Variants in CLMP observed in about 807,000 individuals in gnomAD.
CLMP encodes CXADR-like membrane protein.
Under a neutral mutation model 45.2 loss-of-function variants are expected in CLMP, and 27 were observed. That is an observed-to-expected ratio of 0.60 (90% CI 0.44 to 0.82). The LOEUF (loss-of-function observed/expected upper bound fraction) is 0.82, where lower values mean the gene tolerates loss of function less well. Ranked by LOEUF, CLMP falls within the 40% of genes least tolerant of loss-of-function variation. CLMP has a pLI of 0.00. For missense variants in CLMP, 403 were observed against 448.4 expected, an observed-to-expected ratio of 0.90 and a Z score of 0.91; for synonymous variants, 167 against 171.4, an observed-to-expected ratio of 0.97 and a Z score of 0.20.
intron 1 of CLMP, among the ~76,000 whole-genome samples, chr11:123,134,182 C>A (rs924552724): frequency 6.6e-6 from 1 of 151,484 alleles, no homozygotes; most frequent in African/African-American, 2.4e-5. Flanking sequence ...ATCACTGGAA[C>A]CTGGGAGGGG....
chr11:123,088,489 T>C (rs1277375066), intron 2 of CLMP, among the ~76,000 whole-genome samples: 2 of 152,176 alleles, frequency 1.3e-5, no homozygotes, highest in East Asian at 3.9e-4. Flanking sequence ...GTTTGTACTT[T>C]CTAGGAGAAT....
intron 1 of CLMP, among the ~76,000 whole-genome samples, chr11:123,148,223 C>G (rs1004542003): frequency 2.6e-5 from 4 of 152,182 alleles, no homozygotes; most frequent in Admixed American, 6.6e-5. Flanking sequence ...GGCCGCAGGG[C>G]TTTTAAGTGG....
intron 1 of CLMP, among the ~76,000 whole-genome samples, chr11:123,106,668 T>C (rs1373715199): frequency 6.6e-6 from 1 of 152,062 alleles, no homozygotes; most frequent in Non-Finnish European, 1.5e-5. Flanking sequence ...TGCATGAAAG[T>C]GTCTAGCACT....
intron 1 of CLMP, among the ~76,000 whole-genome samples, chr11:123,149,651 A>G (rs1861284597): frequency 6.6e-6 from 1 of 152,140 alleles, no homozygotes; most frequent in Admixed American, 6.6e-5. Context: ...CTGCCACCAT[A>G]GGGATGGAGT....
intron 1 of CLMP, among the ~76,000 whole-genome samples, chr11:123,137,135 T>TTTTTC (rs1565393730): frequency 7.2e-6 from 1 of 138,786 alleles, no homozygotes; most frequent in African/African-American, 2.8e-5. Context: ...ACCTTTCTCT[T>TTTTTC]TTTTTCTTTT....
chr11:123,073,666 A>G lies in CLMP; in HGVS notation c.930T>C (p.Ser310=). 6.2e-7 allele frequency: 1 copy of G among 1,614,226 alleles called. No individual in the cohort carries two copies. Among genetic ancestry groups the G allele is most frequent in the Non-Finnish European group, 8.5e-7 (1 of 1,180,050 alleles). The change falls in exon 7 of 7, where the codon AGT becomes AGC. Residue 310 remains serine (S), a synonymous_variant. Transcript: ENST00000448775. ...ACAGTGTCCGCTGGCTGCGTGAGGC[A>G]CTATTTGCTGTGGAGCGAGTGGAGG... ...GSSSTRSTAN[S]ASRSQRTLST...
intron 5 of CLMP, among the ~76,000 whole-genome samples, chr11:123,077,503 G>C (rs193089620): frequency 1.1e-3 from 160 of 152,096 alleles, no homozygotes; most frequent in African/African-American, 3.8e-3. Flanking sequence ...GGCTAATTTT[G>C]TATTTTTAGT....
At chr11:123,170,442 CT>C (rs11463797) in intron 1 of CLMP, among the ~76,000 whole-genome samples, 138 of 140,630 alleles carry the variant, frequency 9.8e-4, no homozygotes, top group African/African-American at 1.1e-3. Flanking sequence ...ATGAAACCTG[CT>C]TTTTTTTTTT....
At chr11:123,116,848 G>C (rs1860727361) in intron 1 of CLMP, among the ~76,000 whole-genome samples, 1 of 152,072 alleles carries the variant, frequency 6.6e-6, no homozygotes, top group African/African-American at 2.4e-5. Flanking sequence ...TTATTATGCA[G>C]AATAAGTGAG....
intron 1 of CLMP, among the ~76,000 whole-genome samples, chr11:123,116,939 A>G (rs114587026): frequency 0.024 from 3,680 of 152,228 alleles, 157 homozygotes; most frequent in African/African-American, 0.083. Flanking sequence ...GTTATAGTTT[A>G]TATTATTTAT....
At chr11:123,160,575 C>T (rs1192216869) in intron 1 of CLMP, among the ~76,000 whole-genome samples, 1 of 152,146 alleles carries the variant, frequency 6.6e-6, no homozygotes, top group East Asian at 1.9e-4. Flanking sequence ...AGAGACAAGT[C>T]TCTGATTGAC....
At chr11:123,175,419 C>A (rs1861686039) in intron 1 of CLMP, among the ~76,000 whole-genome samples, 1 of 152,186 alleles carries the variant, frequency 6.6e-6, no homozygotes, top group African/African-American at 2.4e-5. Context: ...GATCCAGTCA[C>A]CTTCCTCCCT....
chr11:123,171,226 T>C (rs1225682239), intron 1 of CLMP, among the ~76,000 whole-genome samples: 1 of 152,118 alleles, frequency 6.6e-6, no homozygotes, highest in East Asian at 1.9e-4. Context: ...GGGTCTGGCC[T>C]GTGTGGGGAA....
intron 1 of CLMP, among the ~76,000 whole-genome samples, chr11:123,101,906 G>A (rs1171182343): frequency 1.3e-5 from 2 of 152,168 alleles, no homozygotes; most frequent in Admixed American, 6.6e-5. Flanking sequence ...CTTCCAGGCC[G>A]GGTGCGGTGG....
intron 1 of CLMP, among the ~76,000 whole-genome samples, chr11:123,119,788 G>A (rs1011404044): frequency 2.6e-4 from 39 of 152,094 alleles, no homozygotes; most frequent in African/African-American, 9.2e-4. Context: ...CTGGATTCAA[G>A]CGATTCTCCT....
rs563137496 is a variant in CLMP at position 123,156,005 on chromosome 11, C to G, written c.28+38908G>C. ...GATAGAATGAGTGTTTATGTCCCCCCAAAAATTCATATGTTGAAGTTCTAA... is the reference window on the plus strand; with the variant it reads ...GATAGAATGAGTGTTTATGTCCCCCGAAAAATTCATATGTTGAAGTTCTAA... On this transcript the variant is annotated intron_variant, in intron 1 of 6. Coordinates refer to ENST00000448775, the MANE Select transcript of CLMP (RefSeq NM_024769.5). 2.0e-5 allele frequency among the ~76,000 whole-genome samples: 3 copies of G among 152,188 alleles called. No individual in the cohort carries two copies. The South Asian group carries it at 6.2e-4, about 32-fold the overall frequency.
chr11:123,090,801 A>C (rs1865922710), intron 2 of CLMP, among the ~76,000 whole-genome samples: 1 of 152,138 alleles, frequency 6.6e-6, no homozygotes, highest in Non-Finnish European at 1.5e-5. Context: ...ACAAACTGGG[A>C]AAGAAGGGAA....
intron 1 of CLMP, among the ~76,000 whole-genome samples, chr11:123,127,341 C>G (rs752524489): frequency 6.6e-6 from 1 of 152,036 alleles, no homozygotes; most frequent in Non-Finnish European, 1.5e-5. Context: ...AGACTGGTCT[C>G]GAACTCCTAA....
chr11:123,126,525 G>C (rs1860897491), intron 1 of CLMP, among the ~76,000 whole-genome samples: 1 of 152,104 alleles, frequency 6.6e-6, no homozygotes, highest in Non-Finnish European at 1.5e-5. Context: ...TTCAGTGTGT[G>C]AGGATTAAAG....
Sources: allele counts gnomAD v4.1 joint callset (sites outside exome capture counted in the v4.1 genomes callset), GRCh38; gene constraint gnomAD v4.1.1; transcripts MANE v1.5; gene names NCBI Gene and HGNC (gene_info 2026-07-23, HGNC 2026-07-21).